The following CA11 variants were observed in gnomAD, a reference collection of about 807,000 sequenced individuals.
The protein encoded by CA11 is carbonic anhydrase-related protein 11.
CA11 carries 20 observed loss-of-function variants against 39.3 expected under a neutral mutation model. The ratio of observed to expected loss-of-function variants is 0.51; its 90% CI spans 0.36 to 0.74. CA11 has a LOEUF of 0.74. Among genes scored for constraint, CA11 ranks in the 30% least tolerant of loss-of-function variants. The probability of loss-of-function intolerance (pLI) is 0.00; values close to 1 mark genes in which losing one functional copy is unlikely to be tolerated. For synonymous variants in CA11, 166 were observed against 172.5 expected (o/e 0.96, Z 0.29); for missense variants, 336 against 424.6 (o/e 0.79, Z 1.83).
chr19:48,645,680 T>C lies in CA11; in HGVS notation c.-48A>G. 7.1e-7 allele frequency: 1 copy of C among 1,403,248 alleles called. No individual in the cohort carries two copies. Among genetic ancestry groups the C allele is most frequent in the Non-Finnish European group, 9.5e-7 (1 of 1,052,562 alleles). 86.9% of individuals were successfully genotyped at this position (1,403,248 alleles called of 1,614,324 possible). A position where few individuals can be genotyped will look rare whatever the true frequency, so the allele number is the denominator to read the frequency against. ...CCCTGCCCAACGCCCTGCCCCCCTCTCTCAGCTCCTCTGTCCCCTCCTTCT... is the reference window on the plus strand; with the variant it reads ...CCCTGCCCAACGCCCTGCCCCCCTCCCTCAGCTCCTCTGTCCCCTCCTTCT... On this transcript the variant is annotated 5_prime_UTR_variant, in exon 1 of 9. Coordinates refer to ENST00000084798, the MANE Select transcript of CA11 (RefSeq NM_001217.5).
rs754031869 is a variant in CA11 at position 48,639,814 on chromosome 19, G to A, written c.541C>T (p.Leu181=). The part of the protein sequence containing the change: ...FSAASRGPNG[L]AILSLFVNVA... The stretch of plus-strand genomic sequence containing the variant: ...TTGACAAAGAGGCTGAGAATGGCCA[G>A]GCCATTGGGGCCGCGGGAGGCAGCG... Residue 181 remains leucine, a synonymous_variant, in exon 5 of 9, where the codon CTG becomes TTG. Transcript: ENST00000084798. 2 of 1,614,162 alleles carry A rather than the reference G, an allele frequency of 1.2e-6. No individual in the cohort carries two copies. The highest frequency in any genetic ancestry group is 1.3e-5 in the African/African-American group (1 of 75,048).
chr19:48,642,477 C>T (rs1390731668), intron 3 of CA11, among the ~76,000 whole-genome samples: 2 of 151,600 alleles, frequency 1.3e-5, no homozygotes, highest in Non-Finnish European at 2.9e-5. Context: ...CCAGCCTGGG[C>T]GACAGAGCGA....
intron 8 of CA11, 126 bp from the exon 9 acceptor site, chr19:48,638,270 T>C (rs1156253925): frequency 3.4e-6 from 4 of 1,174,210 alleles, no homozygotes; most frequent in Non-Finnish European, 4.3e-6. Context: ...GGAACCAGAA[T>C]GTACTAGGTC....
chr19:48,639,797 G>C lies in CA11; in HGVS notation c.558C>G (p.Leu186=). 3 of 1,614,012 alleles carry C rather than the reference G, an allele frequency of 1.9e-6. No homozygotes were observed. Among genetic ancestry groups the C allele is most frequent in the Non-Finnish European group, 2.5e-6 (3 of 1,179,896 alleles). The change falls in exon 5 of 9, where the codon CTC becomes CTG. Residue 186 remains leucine (L), a synonymous_variant. Transcript: ENST00000084798. The part of the protein sequence containing the change: ...RGPNGLAILS[L]FVNVASTSNP... ...TCTCGCCTCCGCTCACGTTGACAAA[G>C]AGGCTGAGAATGGCCAGGCCATTGG...
intron 8 of CA11, 199 bp from the exon 9 acceptor site, chr19:48,638,343 A>G (rs542679406): frequency 1.0e-5 from 7 of 694,284 alleles, no homozygotes; most frequent in African/African-American, 2.6e-5. Flanking sequence ...GTCCAGATTC[A>G]GCAGTAGGCT....
chr19:48,639,376 T>G lies in CA11; in HGVS notation c.724A>C (p.Ser242Arg). 6.2e-7 allele frequency: 1 copy of G among 1,613,554 alleles called. No individual in the cohort carries two copies. Among genetic ancestry groups the G allele is most frequent in the Non-Finnish European group, 8.5e-7 (1 of 1,179,890 alleles). The change falls in exon 7 of 9, where the codon AGC becomes CGC. Residue 242 changes from serine (S) to arginine (R), a missense_variant. Physicochemically the swap from Ser to Arg is moderately radical, Grantham distance 110. Coordinates refer to ENST00000084798, the MANE Select transcript of CA11 (RefSeq NM_001217.5). ...FGFITYQGSL[S>R]TPPCSETVTW... The stretch of plus-strand genomic sequence containing the variant: ...ACAGTCTCGGAGCAGGGCGGGGTGC[T>G]GAGAGAGCCCTGATAGGTGATGAAG...
chr19:48,639,266 T>C (rs909615279), intron 7 of CA11, 39 bp downstream of exon 7: 6 of 1,604,610 alleles, frequency 3.7e-6, no homozygotes, highest in Non-Finnish European at 5.1e-6. Context: ...GTGAGTGGAG[T>C]ACCCAGGCCT....
intron 3 of CA11, among the ~76,000 whole-genome samples, chr19:48,644,030 G>A (rs2031168948): frequency 6.6e-6 from 1 of 152,008 alleles, no homozygotes; most frequent in African/African-American, 2.4e-5. Flanking sequence ...CTGGGAGGTG[G>A]AGGTTGCAGT....
At position 48,638,111 on chromosome 19, in the gene CA11, G is replaced by A; in HGVS notation, c.*8C>T. 1 of 1,433,112 alleles carries A rather than the reference G, an allele frequency of 7.0e-7. No homozygotes were observed. Among genetic ancestry groups the A allele is most frequent in the Non-Finnish European group, 9.2e-7 (1 of 1,090,126 alleles). 88.8% of individuals were successfully genotyped at this position (1,433,112 alleles called of 1,614,324 possible). A position where few individuals can be genotyped will look rare whatever the true frequency, so the allele number is the denominator to read the frequency against. The stretch of plus-strand genomic sequence containing the variant: ...AGGACGGGCGGGTGCAATCCTCGAA[G>A]GGGAGTCTCAGCGACCATGGGGGAC... On this transcript the variant is annotated 3_prime_UTR_variant, in exon 9 of 9. Coordinates refer to ENST00000084798, the MANE Select transcript of CA11 (RefSeq NM_001217.5).
chr19:48,642,843 A>G (rs2031131049), intron 3 of CA11, among the ~76,000 whole-genome samples: 1 of 152,206 alleles, frequency 6.6e-6, no homozygotes, highest in South Asian at 2.1e-4. Context: ...TGGATTGGAA[A>G]TGGACATGAG....
chr19:48,644,684 GC>G, intron 2 of CA11, 115 bp from the exon 3 acceptor site: 1 of 834,536 alleles, frequency 1.2e-6, no homozygotes, highest in Admixed American at 3.2e-5. Flanking sequence ...GGGAGGAGGG[GC>G]TAGGGACCTA....
intron 3 of CA11, among the ~76,000 whole-genome samples, chr19:48,640,943 G>A (rs1316968761): frequency 6.6e-6 from 1 of 151,892 alleles, no homozygotes; most frequent in Non-Finnish European, 1.5e-5. Context: ...CAAAGTGCTG[G>A]GATTACAGGC....
chr19:48,638,211 G>A, intron 8 of CA11, 67 bp from the exon 9 acceptor site: 1 of 1,193,468 alleles, frequency 8.4e-7, no homozygotes, highest in Middle Eastern at 2.6e-4. Context: ...GTGTGCAGGG[G>A]GCGTGGGCTG....
intron 8 of CA11, 119 bp downstream of exon 8, chr19:48,638,769 G>A (rs764927323): frequency 8.2e-6 from 9 of 1,099,798 alleles, no homozygotes; most frequent in Admixed American, 3.1e-5. Flanking sequence ...GACAGCTCAC[G>A]AGGCTAGACC....
chr19:48,646,128 T>C lies in CA11; in HGVS notation c.-496A>G, dbSNP rs1459250970. The C allele has an allele frequency of 3.9e-6, 1 of 259,238 alleles. No individual in the cohort carries two copies. Among genetic ancestry groups the C allele is most frequent in the Non-Finnish European group, 7.3e-6 (1 of 137,538 alleles). The allele number at this position is 259,238 out of a possible 1,614,324, so 16.1% of individuals were successfully genotyped here. On this transcript the variant is annotated 5_prime_UTR_variant, in exon 1 of 9. Transcript: ENST00000084798. ...CCCTCAGTGTCGGCCTCCAGCTTCG[T>C]GCTCTCCCCACCTCCTCCTCTCCTG...
Position 48,643,424 on chromosome 19 carries a change from G to A in CA11, c.285+1003C>T, listed in dbSNP as rs1269068177. On this transcript the variant is annotated intron_variant, in intron 3 of 8. Coordinates refer to ENST00000084798, the MANE Select transcript of CA11 (RefSeq NM_001217.5). The surrounding 1 kb of genome is among the most constrained non-coding windows in gnomAD (Gnocchi z 4.3). The stretch of plus-strand genomic sequence containing the variant: ...GGGGTTTCACCATGTTGGCCAGGCT[G>A]ATCTCGAACTCCTAACCTCGTGATC... Among the ~76,000 whole-genome samples, 2 of 145,764 alleles carry A rather than the reference G, an allele frequency of 1.4e-5. No homozygotes were observed. Among genetic ancestry groups the A allele is most frequent in the Non-Finnish European group, 2.9e-5 (2 of 67,952 alleles).
At chr19:48,641,166 GA>G (rs1348879748) in intron 3 of CA11, among the ~76,000 whole-genome samples, 1 of 151,840 alleles carries the variant, frequency 6.6e-6, no homozygotes, top group Non-Finnish European at 1.5e-5. Context: ...TTTTAGTAGA[GA>G]CAGGGTTTCA....
chr19:48,640,028 G>C, intron 4 of CA11, 67 bp downstream of exon 4: 5 of 1,547,146 alleles, frequency 3.2e-6, no homozygotes, highest in Non-Finnish European at 4.4e-6. Flanking sequence ...ACACTAAGAG[G>C]GTGAGGTGGG....
At position 48,640,219 on chromosome 19, in the gene CA11, A is replaced by G; in HGVS notation, c.347T>C (p.Val116Ala). 1 of 1,613,936 alleles carries G rather than the reference A, an allele frequency of 6.2e-7. No homozygotes were observed. The highest frequency in any genetic ancestry group is 8.5e-7 in the Non-Finnish European group (1 of 1,179,956). ...HVSFLPAPRP[V>A]VNVSGGPLLY... is the part of the protein sequence containing the mutation. ...GAGGGGACCTCCAGACACATTGACC[A>G]CAGGTCGGGGTGCAGGCAGGAAGGA... is the stretch of plus-strand genomic sequence containing the variant. The change falls in exon 4 of 9, where the codon GTG becomes GCG. Residue 116 changes from valine to alanine, a missense_variant. By Grantham distance (64) the Val-to-Ala change is moderately conservative. Coordinates refer to ENST00000084798, the MANE Select transcript of CA11 (RefSeq NM_001217.5).
Sources: allele counts gnomAD v4.1 joint callset (sites outside exome capture counted in the v4.1 genomes callset), GRCh38; gene constraint gnomAD v4.1.1; non-coding constraint Gnocchi (gnomAD v3.1); transcripts MANE v1.5; gene names NCBI Gene and HGNC (gene_info 2026-07-23, HGNC 2026-07-21).